The following IL33 variants were observed in gnomAD, a reference collection of about 807,000 sequenced individuals.
IL33 encodes the protein interleukin 33.
In IL33, 37 loss-of-function variants were observed where a neutral mutation model predicts 27.3. The observed-to-expected ratio is 1.36, with a 90% CI of 1.04 to 1.78. IL33 has a LOEUF of 1.78. IL33 is among the 40% of genes most tolerant of loss of function. IL33 has a pLI of 0.00. For missense variants in IL33, 406 were observed against 311.4 expected (o/e 1.30, Z -2.29); for synonymous variants, 132 against 102.9 (o/e 1.28, Z -1.71).
chr9:6,234,621 C>A (rs556896550), intron 1 of IL33, among the ~76,000 whole-genome samples: 1 of 152,302 alleles, frequency 6.6e-6, no homozygotes, highest in East Asian at 1.9e-4. Context: ...CCTGCAAGGA[C>A]TCTATGAAGT....
intron 5 of IL33, among the ~76,000 whole-genome samples, chr9:6,253,267 C>T (rs538612281): frequency 6.6e-6 from 1 of 152,296 alleles, no homozygotes; most frequent in African/African-American, 2.4e-5. Context: ...TATTTGCTAT[C>T]TCTAAATTAT....
intron 7 of IL33, 125 bp from the exon 8 acceptor site, chr9:6,255,843 A>T: frequency 1.3e-6 from 1 of 746,844 alleles, no homozygotes. Flanking sequence ...ACAACTCACT[A>T]AGCAAGCTTG....
At chr9:6,241,870 A>T in intron 2 of IL33, 85 bp downstream of exon 2, 3 of 870,068 alleles carry the variant, frequency 3.4e-6, no homozygotes, top group Non-Finnish European at 5.3e-6. Context: ...TATACATGCT[A>T]TCTTATCAAA....
rs895970276 is a variant in IL33 at position 6,257,443 on chromosome 9, A to C, written c.*1275A>C. 3.9e-5 allele frequency: 6 copies of C among 152,622 alleles called. No individual in the cohort carries two copies. The highest frequency in any genetic ancestry group is 1.4e-4 in the African/African-American group (6 of 41,458). The allele number at this position is 152,622 out of a possible 1,614,324, so 9.5% of individuals were successfully genotyped here. On this transcript the variant is annotated 3_prime_UTR_variant, in exon 8 of 8. Coordinates refer to ENST00000682010, the MANE Select transcript of IL33 (RefSeq NM_033439.4). ...TCTGCTTTGTCTGTTGTAGAATTTT[A>C]GATAAAGCTATTAATGGCAATATTT...
intron 2 of IL33, 115 bp downstream of exon 2, chr9:6,241,900 A>G (rs1368883654): frequency 4.1e-6 from 3 of 738,914 alleles, no homozygotes; most frequent in African/African-American, 1.8e-5. Context: ...GAATACAAGA[A>G]CTAAAATAAA....
chr9:6,241,685 A>G lies in IL33; in HGVS notation c.-10A>G. On this transcript the variant is annotated splice_region_variant and 5_prime_UTR_variant, in exon 2 of 8. Coordinates refer to ENST00000682010, the MANE Select transcript of IL33 (RefSeq NM_033439.4). ...TAATATTATATTTTAATCCAACAGA[A>G]TACTGAAAAATGAAGCCTAAAATGA... The G allele has an allele frequency of 3.2e-6, 5 of 1,577,368 alleles. No individual in the cohort carries two copies. The highest frequency in any genetic ancestry group is 4.3e-6 in the Non-Finnish European group (5 of 1,152,684).
intron 1 of IL33, among the ~76,000 whole-genome samples, chr9:6,239,173 A>C (rs1819392673): frequency 6.6e-6 from 1 of 152,194 alleles, no homozygotes; most frequent in African/African-American, 2.4e-5. Context: ...AGCACAAAAG[A>C]GTGCCTTCTG....
Position 6,256,496 on chromosome 9 carries a change from G to T in IL33, c.*328G>T, listed in dbSNP as rs1004073840. The T allele has an allele frequency of 4.9e-5, 20 of 405,718 alleles. No homozygotes were observed. The highest frequency in any genetic ancestry group is 4.4e-4 in the South Asian group (5 of 11,402). The allele number at this position is 405,718 out of a possible 1,614,324, so 25.1% of individuals were successfully genotyped here. On this transcript the variant is annotated 3_prime_UTR_variant, in exon 8 of 8. Transcript: ENST00000682010. ...AAAGAACTTCATATTTAGAGCTAAG[G>T]CCACTGAGGAAAGAGCCATAGCTTA... is the stretch of plus-strand genomic sequence containing the variant.
upstream of IL33, among the ~76,000 whole-genome samples, chr9:6,215,441 T>A (rs1156505324): frequency 1.3e-5 from 2 of 152,174 alleles, no homozygotes; most frequent in Non-Finnish European, 2.9e-5. Flanking sequence ...TTTGGAAGAA[T>A]ACACTGATCT....
At chr9:6,239,779 C>T (rs1819425333) in intron 1 of IL33, among the ~76,000 whole-genome samples, 1 of 152,116 alleles carries the variant, frequency 6.6e-6, no homozygotes, top group Admixed American at 6.5e-5. Context: ...AATGACTAGA[C>T]CCCTCCCTAT....
chr9:6,252,774 C>T (rs974525944), intron 4 of IL33, 92 bp from the exon 5 acceptor site: 4 of 1,493,370 alleles, frequency 2.7e-6, no homozygotes, highest in African/African-American at 2.8e-5. Context: ...CAAAATGCAA[C>T]TCAAATTGCA....
intron 1 of IL33, among the ~76,000 whole-genome samples, chr9:6,228,030 T>C (rs927987781): frequency 6.6e-6 from 1 of 152,194 alleles, no homozygotes; most frequent in Non-Finnish European, 1.5e-5. Flanking sequence ...TTTCCTCATA[T>C]ATAAAAGAGG....
chr9:6,248,043 G>A (rs989406723), intron 2 of IL33, among the ~76,000 whole-genome samples: 15 of 151,922 alleles, frequency 9.9e-5, no homozygotes, highest in Admixed American at 7.2e-4. Flanking sequence ...TGCCTATCAC[G>A]TTCCCATGTG....
At chr9:6,234,678 C>T (rs1819094148) in intron 1 of IL33, among the ~76,000 whole-genome samples, 2 of 152,192 alleles carry the variant, frequency 1.3e-5, no homozygotes, top group Admixed American at 1.3e-4. Flanking sequence ...GTCCCATTAA[C>T]ATTGCCCTCA....
chr9:6,245,572 C>A (rs949326485), intron 2 of IL33, among the ~76,000 whole-genome samples: 3 of 152,094 alleles, frequency 2.0e-5, no homozygotes, highest in Admixed American at 6.6e-5. Context: ...AGAGTAGAAA[C>A]AGAAACTGGT....
chr9:6,221,006 A>T (rs74833618), intron 1 of IL33, among the ~76,000 whole-genome samples: 2,791 of 152,214 alleles, frequency 0.018, 96 homozygotes, highest in African/African-American at 0.062. Context: ...CTCCTGCCTC[A>T]GCCTCTCAAA....
At chr9:6,238,077 T>A (rs1819331957) in intron 1 of IL33, among the ~76,000 whole-genome samples, 2 of 152,148 alleles carry the variant, frequency 1.3e-5, no homozygotes, top group Non-Finnish European at 1.5e-5. Context: ...GGAGTTAAAT[T>A]CCCAGTTCTG....
rs779487811 is a variant in IL33 at position 6,255,969 on chromosome 9, T to A, written c.614T>A (p.Leu205His). The A allele has an allele frequency of 5.0e-6, 8 of 1,613,100 alleles. No homozygotes were observed. Among genetic ancestry groups the A allele is most frequent in the Non-Finnish European group, 6.8e-6 (8 of 1,179,208 alleles). ...TTGCTTTCTCTCTTGTTTCCTCAGC[T>A]CCATAAGTGTGAAAAACCACTGCCA... ...HANNKEHSVE[L>H]HKCEKPLPDQ... The change falls in exon 8 of 8, where the codon CTC becomes CAC. Residue 205 changes from leucine to histidine, a missense_variant and splice_region_variant. Leu to His is a moderately conservative substitution (Grantham distance 99, BLOSUM62 -3). Transcript: ENST00000682010.
intron 1 of IL33, among the ~76,000 whole-genome samples, chr9:6,224,759 G>A (rs997854344): frequency 6.6e-6 from 1 of 152,100 alleles, no homozygotes; most frequent in African/African-American, 2.4e-5. Context: ...GAACAAACAG[G>A]GTGATACATT....
Sources: gnomAD v4.1 joint callset for allele counts (sites outside exome capture counted in the v4.1 genomes callset) on GRCh38, gnomAD v4.1.1 for gene constraint, MANE v1.5 for transcripts, NCBI Gene and HGNC (gene_info 2026-07-23, HGNC 2026-07-21) for gene names.